Variants in KANK2 observed in about 807,000 individuals in gnomAD.
KANK2 encodes KN motif and ankyrin repeat domains 2, also known as KN motif and ankyrin repeat domain-containing protein 2.
KANK2 carries 41 observed loss-of-function variants against 74.6 expected under a neutral mutation model. The observed-to-expected ratio is 0.55, with a 90% CI of 0.43 to 0.71. The LOEUF (loss-of-function observed/expected upper bound fraction) is 0.71, where lower values mean the gene tolerates loss of function less well. KANK2 is among the 30% of genes least tolerant of loss of function. The pLI is 0.00. For missense variants in KANK2, 1,148 were observed against 1,196.4 expected (o/e 0.96, Z 0.60); for synonymous variants, 537 against 519.0 (o/e 1.03, Z -0.47).
At chr19:11,168,514 C>T (rs1042049057) in intron 12 of KANK2, among the ~76,000 whole-genome samples, 4 of 151,844 alleles carry the variant, frequency 2.6e-5, no homozygotes, top group Non-Finnish European at 5.9e-5. Flanking sequence ...TGGGTTCAAG[C>T]AATCCTTCCA....
At position 11,164,951 on chromosome 19, in the gene KANK2, T is replaced by C. The variant is rs2077990966; in HGVS notation, c.*1607A>G. 6.6e-6 allele frequency: 1 copy of C among 152,154 alleles called. No homozygotes were observed. 9.4% of individuals were successfully genotyped at this position (152,154 alleles called of 1,614,324 possible). ...TTGCTGAAATGTGGCTTTAAAGCCT[T>C]GGAGGCTGAGCTCACTGGCCTCGAA... is the stretch of plus-strand genomic sequence containing the variant. On this transcript the variant is annotated 3_prime_UTR_variant, in exon 13 of 13. Transcript: ENST00000586659.
intron 4 of KANK2, among the ~76,000 whole-genome samples, chr19:11,191,026 C>T (rs540820959): frequency 1.5e-4 from 23 of 149,668 alleles, no homozygotes; most frequent in Non-Finnish European, 2.4e-4. Flanking sequence ...CCACCGTGCC[C>T]AGCCAGCTGT....
rs1600805902 is a variant in KANK2 at position 11,170,301 on chromosome 19, A to G, written c.2212-53T>C. On this transcript the variant is annotated intron_variant, in intron 10 of 12. Transcript: ENST00000586659. The surrounding 1 kb of genome is among the most constrained non-coding windows in gnomAD (Gnocchi z 5.2). ...GTTCATGCAGGCCCCAGGGCAGGAC[A>G]CCCCCTGGTCTAGAACCTGCTGTAG... 16 of 1,493,122 alleles carry G rather than the reference A, an allele frequency of 1.1e-5. No individual in the cohort carries two copies. In the East Asian group the frequency reaches 3.4e-4, roughly 32 times the overall value. 92.5% of individuals were successfully genotyped at this position (1,493,122 alleles called of 1,614,324 possible). A position where few individuals can be genotyped will look rare whatever the true frequency, so the allele number is the denominator to read the frequency against.
In KANK2 at chr19:11,169,857, C is replaced by T. The variant is rs1371837352; in HGVS notation, c.2502+20G>A. On this transcript the variant is annotated intron_variant, in intron 12 of 12. Transcript: ENST00000586659. Reference sequence around the variant, plus strand: ...AGAGACCCACCCATCCCGTGCCTACCCGGCCGGATTGAGACTCACCGAGCA... The same window carrying T: ...AGAGACCCACCCATCCCGTGCCTACTCGGCCGGATTGAGACTCACCGAGCA... 1 of 1,605,122 alleles carries T rather than the reference C, an allele frequency of 6.2e-7. No homozygotes were observed. Among genetic ancestry groups the T allele is most frequent in the Non-Finnish European group, 8.5e-7 (1 of 1,172,000 alleles).
At position 11,192,904 on chromosome 19, in the gene KANK2, G is replaced by A. The variant is rs370467462; in HGVS notation, c.1176C>T (p.Pro392=). ...TATGGACGTTGCTGGTAGCTGCAGC[G>A]GGCACTGGGCACATTGTCTCCACCA... ...QEVVETMCPV[P]AAATSNVHMV... is the part of the protein sequence containing the mutation. The change falls in exon 4 of 13, where the codon CCC becomes CCT. Residue 392 remains proline (P), a synonymous_variant. Transcript: ENST00000586659. 1.5e-5 allele frequency: 25 copies of A among 1,613,976 alleles called. No homozygotes were observed. Among genetic ancestry groups the A allele is most frequent in the East Asian group, 6.7e-5 (3 of 44,862 alleles).
chr19:11,192,431 C>CT (rs34285924), intron 4 of KANK2: 43,956 of 159,720 alleles, frequency 0.28, 9,819 homozygotes, highest in African/African-American at 0.42. Context: ...CCTTGGCATT[C>CT]TTTTTTTTTT....
rs577975021 is a variant in KANK2, at chr19:11,193,352, C to T, written c.728G>A (p.Arg243Gln). ...QKFLGHPTAG[R>Q]GRSELCLDLP... ...GTCCAGGCAGAGCTCGCTGCGACCC[C>T]GGCCCGCTGTGGGGTGGCCCAGGAA... Residue 243 changes from arginine to glutamine, a missense_variant, in exon 4 of 13, where the codon CGG (arginine) becomes CAG (glutamine). Transcript: ENST00000586659. This position sits in a 1 kb window ranked among gnomAD's most constrained non-coding sequence, Gnocchi z 9.6. 3.2e-5 allele frequency: 51 copies of T among 1,612,370 alleles called. No individual in the cohort carries two copies. Among genetic ancestry groups the T allele is most frequent in the Admixed American group, 8.3e-5 (5 of 59,990 alleles).
rs201979549 is a variant in KANK2, at chr19:11,192,792, C to T, written c.1249+39G>A. On this transcript the variant is annotated intron_variant, in intron 4 of 12. Coordinates refer to ENST00000586659, the MANE Select transcript of KANK2 (RefSeq NM_001136191.3). ...CCATGGGAAGAAAGAGGCCCCCCCC[C>T]CCCAAGCCATTCTCCCCTGCCTGCC... 2.3e-5 allele frequency: 37 copies of T among 1,578,632 alleles called. 1 individual carries two copies. Among genetic ancestry groups the T allele is most frequent in the South Asian group, 5.6e-5 (5 of 89,568 alleles).
chr19:11,196,768 G>C (rs1173985438), intron 1 of KANK2: 1 of 152,410 alleles, frequency 6.6e-6, no homozygotes, highest in East Asian at 1.9e-4. Flanking sequence ...GGGGTGACAG[G>C]ATAAGACAGA....
intron 7 of KANK2, 96 bp downstream of exon 7, chr19:11,176,482 T>A (rs1214512454): frequency 7.3e-7 from 1 of 1,362,938 alleles, no homozygotes; most frequent in Non-Finnish European, 1.0e-6. Context: ...GCATGACTGA[T>A]AGGAGGGTCC....
chr19:11,168,005 G>GTTTTTTTTTTTTTTTTTTT (rs528176321), intron 12 of KANK2, among the ~76,000 whole-genome samples: 6 of 115,034 alleles, frequency 5.2e-5, no homozygotes, highest in East Asian at 2.7e-4. Flanking sequence ...CCACGTCCTT[G>GTTTTTTTTTTTTTTTTTTT]TTTTTTTTTT....
chr19:11,197,510 C>T lies in KANK2; in HGVS notation c.-304G>A, dbSNP rs1326418502. 3 of 152,184 alleles carry T rather than the reference C, an allele frequency of 2.0e-5. No homozygotes were observed. The highest frequency in any genetic ancestry group is 7.2e-5 in the African/African-American group (3 of 41,386). 9.4% of individuals were successfully genotyped at this position (152,184 alleles called of 1,614,324 possible). On this transcript the variant is annotated 5_prime_UTR_variant, in exon 1 of 13. Transcript: ENST00000586659. ...CTTGCGCGCTCCGGCCGCTGCCTTC[C>T]CTGGGTCCCGCCGCCCGAGCGTCTT... is the stretch of plus-strand genomic sequence containing the variant.
At chr19:11,167,652 C>T (rs910170950) in intron 12 of KANK2, among the ~76,000 whole-genome samples, 2 of 152,002 alleles carry the variant, frequency 1.3e-5, no homozygotes, top group East Asian at 1.9e-4. Flanking sequence ...CTCAGCCTCC[C>T]GAGTATCTGG....
At chr19:11,180,807 C>G (rs954363435) in intron 4 of KANK2, among the ~76,000 whole-genome samples, 2 of 152,014 alleles carry the variant, frequency 1.3e-5, no homozygotes, top group East Asian at 3.9e-4. Context: ...CTGGAGAGGC[C>G]GGGCGCAGTA....
rs1555818109 is a variant in KANK2 at position 11,181,113 on chromosome 19, A to AG, written c.1250-2394_1250-2393insC. Among the ~76,000 whole-genome samples, 100 of 98,330 alleles carry AG rather than the reference A, an allele frequency of 1.0e-3. 12 individuals carry two copies. The highest frequency in any genetic ancestry group is 1.8e-3 in the South Asian group (5 of 2,756). 64.5% of individuals were successfully genotyped at this position (98,330 alleles called of 152,430 possible). A position where few individuals can be genotyped will look rare whatever the true frequency, so the allele number is the denominator to read the frequency against. ...CAAAAAAAAAAAAAAAAAAAAAAAA[A>AG]AAATTCTGGGAGAGCCAAAAAATGA... On this transcript the variant is annotated intron_variant, in intron 4 of 12. Coordinates refer to ENST00000586659, the MANE Select transcript of KANK2 (RefSeq NM_001136191.3).
rs371144441 is a variant in KANK2, at chr19:11,181,916, AT to A, written c.1250-3197del. Among the ~76,000 whole-genome samples, 737 of 132,886 alleles carry A rather than the reference AT, an allele frequency of 5.5e-3. 2 individuals carry two copies. Among genetic ancestry groups the A allele is most frequent in the African/African-American group, 0.016 (572 of 35,344 alleles). 87.2% of individuals were successfully genotyped at this position (132,886 alleles called of 152,430 possible). ...TACTCAAACATGGATAAGATGGTTA[AT>A]TTTTTTTTTTTTTTTTTTGAGACGG... On this transcript the variant is annotated intron_variant, in intron 4 of 12. Coordinates refer to ENST00000586659, the MANE Select transcript of KANK2 (RefSeq NM_001136191.3).
chr19:11,177,092 C>CT (rs1187139856), intron 6 of KANK2, among the ~76,000 whole-genome samples: 32 of 92,380 alleles, frequency 3.5e-4, no homozygotes, highest in African/African-American at 1.3e-3. Context: ...TACTCACCCT[C>CT]CTTTTTTTTT....
chr19:11,191,355 G>A (rs1171992222), intron 4 of KANK2, among the ~76,000 whole-genome samples: 1 of 152,180 alleles, frequency 6.6e-6, no homozygotes, highest in African/African-American at 2.4e-5. Flanking sequence ...TCATTATTAT[G>A]AGTCATTTGG....
At chr19:11,186,402 G>A (rs1352983674) in intron 4 of KANK2, among the ~76,000 whole-genome samples, 1 of 134,092 alleles carries the variant, frequency 7.5e-6, no homozygotes, top group Non-Finnish European at 1.5e-5. Context: ...AATAAAAAAA[G>A]AAAGAAAGAA....
Sources: gnomAD v4.1 joint callset for allele counts (sites outside exome capture counted in the v4.1 genomes callset) on GRCh38, gnomAD v4.1.1 for gene constraint, Gnocchi (gnomAD v3.1) non-coding constraint, MANE v1.5 for transcripts, NCBI Gene and HGNC (gene_info 2026-07-23, HGNC 2026-07-21) for gene names.